PPM1L: variants seen among roughly 807,000 people sequenced by gnomAD.
PPM1L encodes protein phosphatase 1L.
A neutral mutation model predicts 31.4 loss-of-function variants in PPM1L; 13 were observed. The observed-to-expected ratio is 0.41, with a 90% CI of 0.27 to 0.66. The LOEUF (loss-of-function observed/expected upper bound fraction) is 0.66. PPM1L is among the 30% of genes least tolerant of loss of function. PPM1L has a pLI of 0.29. For missense variants in PPM1L, 326 were observed against 453.7 expected, an observed-to-expected ratio of 0.72 and a Z score of 2.56; for synonymous variants, 184 against 175.4, an observed-to-expected ratio of 1.05 and a Z score of -0.39.
rs113838634 is a variant in PPM1L at position 160,779,641 on chromosome 3, G to A, written c.399+22934G>A. On this transcript the variant is annotated intron_variant, in intron 1 of 3. Coordinates refer to ENST00000498165, the MANE Select transcript of PPM1L (RefSeq NM_139245.4). ...GGGTTCAAGCGATTCTCCTGCCTCC[G>A]CCTCCCTAGTAGCTGGGATTACAGG... Among the ~76,000 whole-genome samples, 116 of 151,836 alleles carry A rather than the reference G, an allele frequency of 7.6e-4. 2 individuals are homozygous for A. The highest frequency in any genetic ancestry group is 7.0e-3 in the Admixed American group (107 of 15,270).
intron 2 of PPM1L, among the ~76,000 whole-genome samples, chr3:160,974,285 G>A (rs1259456022): frequency 6.6e-6 from 1 of 151,274 alleles, no homozygotes; most frequent in East Asian, 1.9e-4. Flanking sequence ...TGGACATTTG[G>A]GTTGGTTCCA....
At chr3:160,878,651 C>T (rs1712598276) in intron 1 of PPM1L, among the ~76,000 whole-genome samples, 1 of 152,138 alleles carries the variant, frequency 6.6e-6, no homozygotes, top group African/African-American at 2.4e-5. Flanking sequence ...TTTGGGGCGA[C>T]ACAAACATTC....
chr3:160,959,648 G>A (rs1320207134), intron 1 of PPM1L, among the ~76,000 whole-genome samples: 1 of 151,972 alleles, frequency 6.6e-6, no homozygotes, highest in Non-Finnish European at 1.5e-5. Context: ...TGGCCAACAT[G>A]GTAAAACCCC....
intron 1 of PPM1L, among the ~76,000 whole-genome samples, chr3:160,770,893 C>T (rs907646430): frequency 3.9e-5 from 6 of 152,162 alleles, no homozygotes; most frequent in South Asian, 2.1e-4. Flanking sequence ...TGGCTGCTTG[C>T]GGAGGAGTCT....
At chr3:160,815,118 C>T (rs1712956052) in intron 1 of PPM1L, among the ~76,000 whole-genome samples, 1 of 151,832 alleles carries the variant, frequency 6.6e-6, no homozygotes, top group Non-Finnish European at 1.5e-5. Flanking sequence ...AGGAACTTAT[C>T]TATATAATGA....
intron 1 of PPM1L, among the ~76,000 whole-genome samples, chr3:160,926,040 T>A (rs1330858666): frequency 6.6e-6 from 1 of 152,146 alleles, no homozygotes; most frequent in Non-Finnish European, 1.5e-5. Flanking sequence ...GGTAGCTGAA[T>A]GAGAGAGACG....
At chr3:160,998,245 T>C (rs1211081106) in intron 2 of PPM1L, among the ~76,000 whole-genome samples, 1 of 152,182 alleles carries the variant, frequency 6.6e-6, no homozygotes, top group East Asian at 1.9e-4. Flanking sequence ...TACTTAGGTA[T>C]AACAGGAGTT....
intron 1 of PPM1L, among the ~76,000 whole-genome samples, chr3:160,772,057 A>C (rs1715271787): frequency 6.6e-6 from 1 of 151,996 alleles, no homozygotes; most frequent in Non-Finnish European, 1.5e-5. Flanking sequence ...TAGGAGTGAG[A>C]CTCACAAAGC....
intron 2 of PPM1L, among the ~76,000 whole-genome samples, chr3:160,985,766 GCTAAAGTATC>G (rs1187864880): frequency 1.3e-5 from 2 of 152,020 alleles, no homozygotes; most frequent in East Asian, 3.9e-4. Context: ...GTGCAAAGGA[GCTAAAGTATC>G]CTCTCTAAAA....
At chr3:160,882,410 G>A (rs1485498043) in intron 1 of PPM1L, 1 of 152,120 alleles carries the variant, frequency 6.6e-6, no homozygotes, top group Non-Finnish European at 1.5e-5. Context: ...TTAGTTATAG[G>A]ATCAAGATAG....
intron 1 of PPM1L, among the ~76,000 whole-genome samples, chr3:160,900,462 A>G (rs1713502051): frequency 6.6e-6 from 1 of 152,106 alleles, no homozygotes; most frequent in South Asian, 2.1e-4. Context: ...TACTTTATCA[A>G]TATTAAAAAT....
chr3:160,843,426 T>TTATATATATATATATA (rs55994031), intron 1 of PPM1L, among the ~76,000 whole-genome samples: 133 of 47,444 alleles, frequency 2.8e-3, no homozygotes, highest in Non-Finnish European at 4.2e-3. Flanking sequence ...GGCAATTCTT[T>TTATATATATATATATA]TATATATATA....
chr3:160,902,417 A>C (rs11711152), intron 1 of PPM1L, among the ~76,000 whole-genome samples: 52,184 of 151,830 alleles, frequency 0.34, 9,612 homozygotes, highest in East Asian at 0.51. Context: ...ATTCCCTGTT[A>C]CTCTCACAGA....
intron 2 of PPM1L, among the ~76,000 whole-genome samples, chr3:161,001,225 A>G (rs555330579): frequency 6.6e-6 from 1 of 152,280 alleles, no homozygotes; most frequent in South Asian, 2.1e-4. Context: ...CAAAAAACAA[A>G]AACAACAACA....
At chr3:160,850,678 G>A (rs1711502958) in intron 1 of PPM1L, among the ~76,000 whole-genome samples, 1 of 152,110 alleles carries the variant, frequency 6.6e-6, no homozygotes, top group Non-Finnish European at 1.5e-5. Flanking sequence ...GGTTTTAGAA[G>A]CTGTGCACAT....
At chr3:160,836,956 TC>T (rs1029014388) in intron 1 of PPM1L, among the ~76,000 whole-genome samples, 2 of 152,218 alleles carry the variant, frequency 1.3e-5, no homozygotes, top group Non-Finnish European at 2.9e-5. Context: ...GCCTATTTCA[TC>T]TTAAAAATCA....
At chr3:160,966,899 T>G (rs1442155705) in intron 2 of PPM1L, among the ~76,000 whole-genome samples, 1 of 152,042 alleles carries the variant, frequency 6.6e-6, no homozygotes, top group East Asian at 1.9e-4. Flanking sequence ...TTCAATAATG[T>G]TTTTTATATT....
chr3:160,916,093 C>T (rs1458593902), intron 1 of PPM1L, among the ~76,000 whole-genome samples: 1 of 152,094 alleles, frequency 6.6e-6, no homozygotes, highest in Non-Finnish European at 1.5e-5. Flanking sequence ...TCTGCACAGC[C>T]AAAGAAACTA....
chr3:160,946,435 G>A (rs1715413187), intron 1 of PPM1L, among the ~76,000 whole-genome samples: 2 of 152,108 alleles, frequency 1.3e-5, no homozygotes, highest in South Asian at 2.1e-4. Context: ...AGAGAGCTCC[G>A]CCAACCCACA....
Sources: gnomAD v4.1 joint callset for allele counts (sites outside exome capture counted in the v4.1 genomes callset) on GRCh38, gnomAD v4.1.1 for gene constraint, MANE v1.5 for transcripts, NCBI Gene and HGNC (gene_info 2026-07-23, HGNC 2026-07-21) for gene names.